WEE2: variants seen among roughly 807,000 people sequenced by gnomAD.
WEE2 encodes the protein WEE2 oocyte meiosis inhibiting kinase.
In WEE2, 50 loss-of-function variants were observed where a neutral mutation model predicts 60.1. The ratio of observed to expected loss-of-function variants is 0.83; its 90% CI spans 0.66 to 1.05. WEE2 has a LOEUF of 1.05. Ranked by LOEUF, WEE2 falls within the 50% of genes least tolerant of loss-of-function variation. The probability of loss-of-function intolerance (pLI) is 0.00; values close to 1 mark genes in which losing one functional copy is unlikely to be tolerated. For synonymous variants in WEE2, 240 were observed against 241.0 expected, an observed-to-expected ratio of 1.00 and a Z score of 0.04; for missense variants, 631 against 684.3, an observed-to-expected ratio of 0.92 and a Z score of 0.87.
intron 4 of WEE2, among the ~76,000 whole-genome samples, chr7:141,719,924 T>C (rs1369060608): frequency 3.3e-5 from 5 of 152,218 alleles, no homozygotes; most frequent in Non-Finnish European, 7.3e-5. Flanking sequence ...GGTTTATCTT[T>C]ACTTTACATT....
intron 1 of WEE2, among the ~76,000 whole-genome samples, chr7:141,712,831 T>TA (rs1395709479): frequency 6.6e-6 from 1 of 152,196 alleles, no homozygotes; most frequent in Admixed American, 6.5e-5. Context: ...ATAATCAGCA[T>TA]TACAAAAAAC....
At chr7:141,724,766 T>G (rs896443513) in intron 8 of WEE2, among the ~76,000 whole-genome samples, 3 of 152,218 alleles carry the variant, frequency 2.0e-5, no homozygotes, top group African/African-American at 7.2e-5. Context: ...TCAGCCAAGT[T>G]ATGTAGCAAG....
chr7:141,712,754 T>C (rs1254280580), intron 1 of WEE2, among the ~76,000 whole-genome samples: 1 of 152,224 alleles, frequency 6.6e-6, no homozygotes, highest in African/African-American at 2.4e-5. Flanking sequence ...ACTAGAACTA[T>C]GTGCTGCATT....
At chr7:141,714,145 G>A in intron 1 of WEE2, 64 bp from the exon 2 acceptor site, 1 of 1,346,876 alleles carries the variant, frequency 7.4e-7, no homozygotes, top group South Asian at 1.5e-5. Flanking sequence ...ATATTAACTA[G>A]CTAACTGATA....
intron 4 of WEE2, 44 bp downstream of exon 4, chr7:141,719,288 G>T (rs778744282): frequency 2.0e-6 from 3 of 1,515,656 alleles, no homozygotes; most frequent in Middle Eastern, 1.9e-4. Flanking sequence ...CTTAGATTTG[G>T]AGAGTTGTTT....
At chr7:141,729,478 A>G (rs1021697640) in intron 10 of WEE2, 53 bp from the exon 11 acceptor site, 6 of 1,610,886 alleles carry the variant, frequency 3.7e-6, no homozygotes, top group East Asian at 4.5e-5. Flanking sequence ...TTGATCATAC[A>G]TATCTCTGAC....
chr7:141,721,943 A>G (rs1244764000), intron 5 of WEE2, among the ~76,000 whole-genome samples: 2 of 152,192 alleles, frequency 1.3e-5, no homozygotes, highest in African/African-American at 4.8e-5. Flanking sequence ...CTTACATGTC[A>G]TGCTAAAATA....
chr7:141,725,161 CAGG>C lies in WEE2; in HGVS notation c.1360_1362del (p.Glu454del), dbSNP rs766836527. On this transcript the variant is annotated inframe_deletion, in exon 9 of 12. Transcript: ENST00000397541. The stretch of plus-strand genomic sequence containing the variant: ...CAAGGGTAACTTTCCGGACGTTCCT[CAGG>C]AGCTCTCAGAAAGCTTTTCCAGTCT... 3.1e-6 allele frequency: 5 copies of C among 1,614,084 alleles called. No homozygotes were observed. The East Asian group carries it at 1.1e-4, about 36-fold the overall frequency.
At chr7:141,712,512 T>C (rs528066902) in intron 1 of WEE2, among the ~76,000 whole-genome samples, 2 of 152,318 alleles carry the variant, frequency 1.3e-5, no homozygotes, top group East Asian at 3.9e-4. Context: ...TTTTCATATG[T>C]CTTATCTCAA....
Position 141,730,396 on chromosome 7 carries a change from C to A in WEE2, c.*76C>A. On this transcript the variant is annotated 3_prime_UTR_variant, in exon 12 of 12. Transcript: ENST00000397541. ...CTGTTGCTGATTCCCCACCAAAGAT[C>A]CCAGGGACTCGTTGTACATAGAAAG... 1.5e-6 allele frequency: 2 copies of A among 1,317,886 alleles called. No individual in the cohort carries two copies. Among genetic ancestry groups the A allele is most frequent in the Non-Finnish European group, 2.2e-6 (2 of 920,278 alleles). The allele number at this position is 1,317,886 out of a possible 1,614,324, so 81.6% of individuals were successfully genotyped here.
intron 11 of WEE2, 34 bp from the exon 12 acceptor site, chr7:141,730,261 T>C (rs779214085): frequency 6.2e-7 from 1 of 1,608,692 alleles, no homozygotes; most frequent in Admixed American, 1.7e-5. Context: ...CACTGATCAA[T>C]AACTTATTTA....
chr7:141,709,856 G>A (rs1447791875), intron 1 of WEE2, among the ~76,000 whole-genome samples: 1 of 152,164 alleles, frequency 6.6e-6, no homozygotes, highest in Non-Finnish European at 1.5e-5. Context: ...TTGGGGCAGG[G>A]TTGCCTCTAA....
Position 141,721,177 on chromosome 7 carries a change from G to A in WEE2, c.880+121G>A, listed in dbSNP as rs1366080428. On this transcript the variant is annotated intron_variant, in intron 5 of 11. Transcript: ENST00000397541. ...GATAGCAGATATACCTAAAAAGTCT[G>A]TACTATATATTATAGTCTTGCTTGG... 2.9e-5 allele frequency: 34 copies of A among 1,180,014 alleles called. No individual in the cohort carries two copies. In the South Asian group the frequency reaches 3.9e-4, roughly 14 times the overall value. 73.1% of individuals were successfully genotyped at this position (1,180,014 alleles called of 1,614,324 possible). A position where few individuals can be genotyped will look rare whatever the true frequency, so the allele number is the denominator to read the frequency against.
intron 10 of WEE2, among the ~76,000 whole-genome samples, chr7:141,728,515 C>T (rs1799060923): frequency 6.6e-6 from 1 of 152,202 alleles, no homozygotes; most frequent in Non-Finnish European, 1.5e-5. Context: ...ACTATACTTA[C>T]ATATGTTATT....
Position 141,711,122 on chromosome 7 carries a change from C to T in WEE2, c.342+2022C>T, listed in dbSNP as rs1798704001. On this transcript the variant is annotated intron_variant, in intron 1 of 11. Coordinates refer to ENST00000397541, the MANE Select transcript of WEE2 (RefSeq NM_001105558.1). The surrounding 1 kb of genome is among the most constrained non-coding windows in gnomAD (Gnocchi z 4.2). ...GTAGACAGAATCAAGATAGATGACA[C>T]TAAGGGATATATGGGTTTGGAGAAA... is the stretch of plus-strand genomic sequence containing the variant. Among the ~76,000 whole-genome samples the T allele has an allele frequency of 6.6e-6, 1 of 152,026 alleles. No homozygotes were observed. Among genetic ancestry groups the T allele is most frequent in the Non-Finnish European group, 1.5e-5 (1 of 68,010 alleles).
In WEE2 at chr7:141,729,615, A is replaced by G. The variant is rs774957200; in HGVS notation, c.1620A>G (p.Gly540=). The change falls in exon 11 of 12, where the codon GGA becomes GGG. Residue 540 remains glycine (G), a synonymous_variant. Coordinates refer to ENST00000397541, the MANE Select transcript of WEE2 (RefSeq NM_001105558.1). ...CTGGGGTCTCTGGGACCCACACAGGATCAAGAAGCACAAAACGCCTGGTGG... is the reference window on the plus strand; with the variant it reads ...CTGGGGTCTCTGGGACCCACACAGGGTCAAGAAGCACAAAACGCCTGGTGG... The part of the protein sequence containing the change: ...GDTGVSGTHT[G]SRSTKRLVGG... The G allele has an allele frequency of 4.3e-6, 7 of 1,614,026 alleles. No homozygotes were observed. In the South Asian group the frequency reaches 7.7e-5, roughly 18 times the overall value.
rs1798704125 is a variant in WEE2, at chr7:141,711,136, G to C, written c.342+2036G>C. On this transcript the variant is annotated intron_variant, in intron 1 of 11. Transcript: ENST00000397541. The surrounding 1 kb of genome is among the most constrained non-coding windows in gnomAD (Gnocchi z 4.2). ...GATAGATGACACTAAGGGATATATG[G>C]GTTTGGAGAAAAGCAGAGATGTGGT... Among the ~76,000 whole-genome samples the C allele has an allele frequency of 6.6e-6, 1 of 152,186 alleles. No individual in the cohort carries two copies. Among genetic ancestry groups the C allele is most frequent in the African/African-American group, 2.4e-5 (1 of 41,448 alleles).
Position 141,729,521 on chromosome 7 carries a change from C to G in WEE2, c.1536-10C>G. 1 of 1,614,164 alleles carries G rather than the reference C, an allele frequency of 6.2e-7. No individual in the cohort carries two copies. The highest frequency in any genetic ancestry group is 1.1e-5 in the South Asian group (1 of 91,086). Reference sequence around the variant, plus strand: ...CAAGTAGCCTTTGCTTTTTCTCCCTCGCACTTCAGGGAACTGAGAGAAGCC... The same window carrying G: ...CAAGTAGCCTTTGCTTTTTCTCCCTGGCACTTCAGGGAACTGAGAGAAGCC... On this transcript the variant is annotated splice_polypyrimidine_tract_variant and intron_variant, in intron 10 of 11. Transcript: ENST00000397541.
At chr7:141,715,788 A>G (rs73520107) in intron 2 of WEE2, among the ~76,000 whole-genome samples, 1,909 of 152,264 alleles carry the variant, frequency 0.013, 39 homozygotes, top group African/African-American at 0.044. Flanking sequence ...CAGTTCTGCC[A>G]CTTGCTAATT....
Sources: gnomAD v4.1 joint callset for allele counts (sites outside exome capture counted in the v4.1 genomes callset) on GRCh38, gnomAD v4.1.1 for gene constraint, Gnocchi (gnomAD v3.1) non-coding constraint, MANE v1.5 for transcripts, NCBI Gene and HGNC (gene_info 2026-07-23, HGNC 2026-07-21) for gene names.